SLC16A2: variants seen among roughly 807,000 people sequenced by gnomAD.
The protein encoded by SLC16A2 is monocarboxylate transporter 8.
In SLC16A2, 3 loss-of-function variants were observed where a neutral mutation model predicts 27.2. The ratio of observed to expected loss-of-function variants is 0.11; its 90% CI spans 0.05 to 0.28. The LOEUF (loss-of-function observed/expected upper bound fraction) is 0.28, where lower values mean the gene tolerates loss of function less well. Ranked by LOEUF, SLC16A2 falls within the 10% of genes least tolerant of loss-of-function variation. The probability of loss-of-function intolerance (pLI) is 1.00; values close to 1 mark genes in which losing one functional copy is unlikely to be tolerated. For missense variants in SLC16A2, 295 were observed against 458.5 expected, an observed-to-expected ratio of 0.64 and a Z score of 3.26; for synonymous variants, 202 against 187.8, an observed-to-expected ratio of 1.08 and a Z score of -0.62.
chrX:74,454,278 G>T (rs1448747207), intron 1 of SLC16A2, among the ~76,000 whole-genome samples: 1 of 110,811 alleles, frequency 9.0e-6, no homozygotes, highest in Non-Finnish European at 1.9e-5. Flanking sequence ...ACATGCACAC[G>T]TATGTTTATT....
At chrX:74,470,071 A>G (rs1672655114) in intron 1 of SLC16A2, among the ~76,000 whole-genome samples, 1 of 111,557 alleles carries the variant, frequency 9.0e-6, no homozygotes, top group Non-Finnish European at 1.9e-5. Flanking sequence ...ATCACACAGT[A>G]TGGAGCCTTT....
At chrX:74,465,492 C>T (rs186212854) in intron 1 of SLC16A2, among the ~76,000 whole-genome samples, 1 of 111,443 alleles carries the variant, frequency 9.0e-6, no homozygotes, top group African/African-American at 3.3e-5. Flanking sequence ...CCTTCAGACT[C>T]TTTCCCTGAG....
chrX:74,428,646 T>C (rs538978056), intron 1 of SLC16A2, among the ~76,000 whole-genome samples: 1 of 110,387 alleles, frequency 9.1e-6, no homozygotes, highest in East Asian at 2.9e-4. Context: ...TCCTTTCCTC[T>C]CTTACTTTCC....
intron 1 of SLC16A2, among the ~76,000 whole-genome samples, chrX:74,484,876 C>G (rs1602126696): frequency 8.9e-6 from 1 of 111,795 alleles, no homozygotes; most frequent in African/African-American, 3.3e-5. Context: ...ATTAATTGCT[C>G]TAGGCCAGAT....
intron 5 of SLC16A2, among the ~76,000 whole-genome samples, chrX:74,529,725 T>A (rs1023026385): frequency 9.4e-6 from 1 of 106,138 alleles, no homozygotes; most frequent in South Asian, 4.4e-4. Context: ...GAGAGAAAAA[T>A]GAGTTTGGCT....
intron 1 of SLC16A2, among the ~76,000 whole-genome samples, chrX:74,513,569 A>C (rs753809162): frequency 3.5e-4 from 39 of 111,918 alleles, no homozygotes; most frequent in Admixed American, 9.5e-4. Flanking sequence ...CATGACTATT[A>C]TTTCTTCTTT....
chrX:74,481,969 C>T (rs1375418514), intron 1 of SLC16A2, among the ~76,000 whole-genome samples: 2 of 109,740 alleles, frequency 1.8e-5, no homozygotes, highest in Admixed American at 9.9e-5. Context: ...ACCCTGTAAC[C>T]AATAGCAGTT....
intron 1 of SLC16A2, among the ~76,000 whole-genome samples, chrX:74,470,439 G>A (rs1929334302): frequency 9.0e-6 from 1 of 111,607 alleles, no homozygotes; most frequent in Non-Finnish European, 1.9e-5. Context: ...ATTCCCACCA[G>A]CACTAAATGA....
At chrX:74,427,784 A>C (rs5937814) in intron 1 of SLC16A2, among the ~76,000 whole-genome samples, 38,868 of 106,412 alleles carry the variant, frequency 0.37, 5,928 homozygotes, top group East Asian at 0.95. Flanking sequence ...CATGTGCGCA[A>C]GCGCATGCGC....
chrX:74,522,864 G>A (rs1467063261), intron 2 of SLC16A2, among the ~76,000 whole-genome samples: 1 of 111,727 alleles, frequency 9.0e-6, no homozygotes, highest in Non-Finnish European at 1.9e-5. Context: ...TCTTCTCATG[G>A]CTAGAGCTCC....
intron 1 of SLC16A2, among the ~76,000 whole-genome samples, chrX:74,458,597 C>T (rs891218572): frequency 1.4e-4 from 16 of 111,749 alleles, no homozygotes; most frequent in East Asian, 8.4e-4. Context: ...ATCCACCCGC[C>T]TCTGCCTCCC....
chrX:74,493,423 G>T (rs1929871900), intron 1 of SLC16A2, among the ~76,000 whole-genome samples: 1 of 112,170 alleles, frequency 8.9e-6, no homozygotes. Context: ...GTGACAGCCA[G>T]GTCTGAAGGA....
At chrX:74,430,569 T>C (rs1928518345) in intron 1 of SLC16A2, among the ~76,000 whole-genome samples, 1 of 112,097 alleles carries the variant, frequency 8.9e-6, no homozygotes, top group South Asian at 3.7e-4. Flanking sequence ...CCATAGAAAC[T>C]TTCTCTTCAA....
intron 1 of SLC16A2, among the ~76,000 whole-genome samples, chrX:74,433,056 C>T (rs1048372312): frequency 2.7e-5 from 3 of 111,594 alleles, no homozygotes; most frequent in Non-Finnish European, 5.6e-5. Context: ...ACCCTTAACA[C>T]TTTCAACTTT....
Position 74,515,311 on chromosome X carries a change from T to A in SLC16A2, c.431-5679T>A, listed in dbSNP as rs374167727. ...AGATGAGAGAAGACAGAAGAAGGAA[T>A]CAGTGAACTTGAAGGCAGAACAATA... On this transcript the variant is annotated intron_variant, in intron 1 of 5. Transcript: ENST00000587091. Among the ~76,000 whole-genome samples, 7 of 108,884 alleles carry A rather than the reference T, an allele frequency of 6.4e-5. No homozygotes were observed. The East Asian group carries it at 2.0e-3, about 32-fold the overall frequency. 94.6% of individuals were successfully genotyped at this position (108,884 alleles called of 115,157 possible). A position where few individuals can be genotyped will look rare whatever the true frequency, so the allele number is the denominator to read the frequency against.
chrX:74,501,670 A>C (rs1037712915), intron 1 of SLC16A2, among the ~76,000 whole-genome samples: 1 of 111,282 alleles, frequency 9.0e-6, no homozygotes, highest in Non-Finnish European at 1.9e-5. Context: ...CACCGCATGG[A>C]AAGTGCGTCT....
intron 4 of SLC16A2, among the ~76,000 whole-genome samples, chrX:74,528,727 C>T (rs1404303047): frequency 8.9e-6 from 1 of 111,947 alleles, no homozygotes; most frequent in Non-Finnish European, 1.9e-5. Context: ...GGCTCCTTCC[C>T]CATTTCAAGA....
intron 1 of SLC16A2, among the ~76,000 whole-genome samples, chrX:74,423,651 C>A (rs1221497761): frequency 1.8e-5 from 2 of 112,019 alleles, no homozygotes. Context: ...CAGTGTAGAG[C>A]AACTTCTGCG....
intron 1 of SLC16A2, among the ~76,000 whole-genome samples, chrX:74,483,701 C>T (rs781437677): frequency 1.8e-5 from 2 of 111,535 alleles, no homozygotes; most frequent in Non-Finnish European, 3.8e-5. Context: ...TCCAGAATGA[C>T]ACCCCTGCTC....
Sources: allele counts gnomAD v4.1 joint callset (sites outside exome capture counted in the v4.1 genomes callset), GRCh38; gene constraint gnomAD v4.1.1; transcripts MANE v1.5; gene names NCBI Gene and HGNC (gene_info 2026-07-23, HGNC 2026-07-21).